Variants in TRAF5 observed in about 807,000 individuals in gnomAD.
TRAF5 encodes TNF receptor associated factor 5.
A neutral mutation model predicts 64.5 loss-of-function variants in TRAF5; 48 were observed. That is an observed-to-expected ratio of 0.74 (90% CI 0.59 to 0.95). TRAF5 has a LOEUF of 0.95. Ranked by LOEUF, TRAF5 falls within the 40% of genes least tolerant of loss-of-function variation. The pLI, the probability that TRAF5 is intolerant of heterozygous loss-of-function variation, is 0.00. For synonymous variants in TRAF5, 206 were observed against 240.5 expected, an observed-to-expected ratio of 0.86 and a Z score of 1.33; for missense variants, 545 against 662.8, an observed-to-expected ratio of 0.82 and a Z score of 1.95.
intron 1 of TRAF5, among the ~76,000 whole-genome samples, chr1:211,333,572 A>G (rs889870411): frequency 3.9e-5 from 6 of 152,046 alleles, no homozygotes; most frequent in African/African-American, 1.4e-4. Context: ...ATCTCGGGTC[A>G]CTGCAACCTC....
At chr1:211,328,224 T>C (rs1260522244) in intron 1 of TRAF5, among the ~76,000 whole-genome samples, 1 of 152,204 alleles carries the variant, frequency 6.6e-6, no homozygotes, top group Non-Finnish European at 1.5e-5. Flanking sequence ...TCCCTAACTC[T>C]AATTTGAACT....
chr1:211,354,475 AG>A lies in TRAF5; in HGVS notation c.276+9del. The A allele has an allele frequency of 6.2e-7, 1 of 1,613,958 alleles. No homozygotes were observed. Among genetic ancestry groups the A allele is most frequent in the South Asian group, 1.1e-5 (1 of 91,064 alleles). On this transcript the variant is annotated intron_variant, in intron 3 of 10. Transcript: ENST00000261464. ...GTCATCAAATCTCAGGAGGTAAGAA[AG>A]TCACTGCTTTTGTCTAGCAGCTCTC...
Position 211,365,474 on chromosome 1 carries a change from T to A in TRAF5, c.789+6T>A. 1 of 1,608,684 alleles carries A rather than the reference T, an allele frequency of 6.2e-7. No homozygotes were observed. The highest frequency in any genetic ancestry group is 8.5e-7 in the Non-Finnish European group (1 of 1,176,264). ...ATGTCCAATTAGAAGAACAGGTAAA[T>A]CTTCAAAGGTTCAAATAAAAAGTGA... On this transcript the variant is annotated splice_donor_region_variant and intron_variant, in intron 8 of 10. Coordinates refer to ENST00000261464, the MANE Select transcript of TRAF5 (RefSeq NM_001033910.3).
chr1:211,356,246 C>G, intron 3 of TRAF5, 121 bp from the exon 4 acceptor site: 1 of 666,996 alleles, frequency 1.5e-6, no homozygotes. Flanking sequence ...TCCATTCCAG[C>G]TGATGTCTGG....
intron 1 of TRAF5, among the ~76,000 whole-genome samples, chr1:211,342,380 G>C (rs1256371977): frequency 6.6e-6 from 1 of 151,882 alleles, no homozygotes; most frequent in African/African-American, 2.4e-5. Flanking sequence ...TGTATTAGGT[G>C]TATATTGGCT....
At chr1:211,354,597 TGGGGTCACATCA>T in intron 3 of TRAF5, 130 bp downstream of exon 3, 2 of 918,460 alleles carry the variant, frequency 2.2e-6, no homozygotes, top group Non-Finnish European at 3.4e-6. Flanking sequence ...TCTTCTGCTG[TGGGGTCACATCA>T]GACCCTACTC....
chr1:211,363,892 C>T (rs981681743), intron 7 of TRAF5, among the ~76,000 whole-genome samples: 1 of 116,448 alleles, frequency 8.6e-6, no homozygotes, highest in Admixed American at 1.1e-4. Flanking sequence ...GCCTGGGCAA[C>T]AGAGTGAGAC....
At position 211,360,770 on chromosome 1, in the gene TRAF5, A is replaced by G; in HGVS notation, c.612A>G (p.Leu204=). Residue 204 remains leucine (L), a synonymous_variant, in exon 6 of 11, where the codon CTA becomes CTG. Transcript: ENST00000261464. ...CCAACAATTGTGCGAAGATTATTCT[A>G]AAAACTGAGGTAACTGCAAATAATC... The part of the protein sequence containing the change: ...FCPNNCAKII[L]KTEVDEHLAV... The G allele has an allele frequency of 6.2e-7, 1 of 1,613,080 alleles. No homozygotes were observed. The highest frequency in any genetic ancestry group is 8.5e-7 in the Non-Finnish European group (1 of 1,179,110).
At chr1:211,340,649 G>C (rs1200260079) in intron 1 of TRAF5, among the ~76,000 whole-genome samples, 1 of 152,170 alleles carries the variant, frequency 6.6e-6, no homozygotes, top group East Asian at 1.9e-4. Flanking sequence ...AGACTTTCTG[G>C]CTCCTTGCTT....
At chr1:211,349,838 T>A (rs1007671417) in intron 1 of TRAF5, among the ~76,000 whole-genome samples, 5 of 152,134 alleles carry the variant, frequency 3.3e-5, no homozygotes, top group African/African-American at 1.2e-4. Flanking sequence ...CAAATTTAGA[T>A]ACTGTGTGAC....
At chr1:211,335,915 C>T (rs1160559488) in intron 1 of TRAF5, among the ~76,000 whole-genome samples, 2 of 152,030 alleles carry the variant, frequency 1.3e-5, no homozygotes, top group Admixed American at 6.5e-5. Flanking sequence ...AGCAGGGGCC[C>T]CATGCAGGGA....
At chr1:211,337,703 T>C (rs529616185) in intron 1 of TRAF5, among the ~76,000 whole-genome samples, 5 of 152,160 alleles carry the variant, frequency 3.3e-5, no homozygotes, top group African/African-American at 1.2e-4. Flanking sequence ...GGGGGATATG[T>C]TGGGAAGGAA....
intron 8 of TRAF5, among the ~76,000 whole-genome samples, chr1:211,366,383 C>T (rs1168898422): frequency 6.6e-6 from 1 of 152,184 alleles, no homozygotes; most frequent in East Asian, 1.9e-4. Flanking sequence ...TCCATCTTTT[C>T]ATTCAAGAAA....
chr1:211,342,120 C>T (rs1256242142), intron 1 of TRAF5, among the ~76,000 whole-genome samples: 1 of 152,164 alleles, frequency 6.6e-6, no homozygotes, highest in African/African-American at 2.4e-5. Context: ...GGCAACTGCT[C>T]AGCTCCTCTG....
intron 1 of TRAF5, among the ~76,000 whole-genome samples, chr1:211,340,231 G>A (rs983447988): frequency 6.6e-5 from 10 of 152,102 alleles, no homozygotes; most frequent in African/African-American, 2.4e-4. Flanking sequence ...ATCCAAGCTC[G>A]AGGGGCCCCT....
intron 1 of TRAF5, among the ~76,000 whole-genome samples, chr1:211,331,944 G>A (rs1433421233): frequency 1.3e-5 from 2 of 152,212 alleles, no homozygotes; most frequent in African/African-American, 4.8e-5. Flanking sequence ...TGGGATTACA[G>A]GTGTGAGCCA....
At chr1:211,344,517 C>T in intron 1 of TRAF5, among the ~76,000 whole-genome samples, 1 of 152,202 alleles carries the variant, frequency 6.6e-6, no homozygotes, top group East Asian at 1.9e-4. Flanking sequence ...CTGGTCTCTG[C>T]ATGAGCTCCC....
intron 8 of TRAF5, among the ~76,000 whole-genome samples, chr1:211,368,041 G>C (rs1188143801): frequency 2.0e-5 from 3 of 151,992 alleles, no homozygotes; most frequent in Non-Finnish European, 4.4e-5. Flanking sequence ...GTGCAAGTAA[G>C]GAAATATTTC....
intron 1 of TRAF5, among the ~76,000 whole-genome samples, chr1:211,347,024 C>A (rs1025094720): frequency 3.3e-5 from 5 of 152,074 alleles, no homozygotes; most frequent in Admixed American, 3.3e-4. Flanking sequence ...CCATTGATGG[C>A]AAGAATACGA....
Sources: allele counts gnomAD v4.1 joint callset (sites outside exome capture counted in the v4.1 genomes callset), GRCh38; gene constraint gnomAD v4.1.1; transcripts MANE v1.5; gene names NCBI Gene and HGNC (gene_info 2026-07-23, HGNC 2026-07-21).